Variants in CADM2 observed in about 807,000 individuals in gnomAD.
CADM2 encodes cell adhesion molecule 2.
A neutral mutation model predicts 49.8 loss-of-function variants in CADM2; 12 were observed. The observed-to-expected ratio is 0.24, with a 90% CI of 0.15 to 0.39. The LOEUF is 0.39. Among genes scored for constraint, CADM2 ranks in the 10% least tolerant of loss-of-function variants. The probability of loss-of-function intolerance (pLI) is 1.00; values close to 1 mark genes in which losing one functional copy is unlikely to be tolerated. For synonymous variants in CADM2, 214 were observed against 175.4 expected (o/e 1.22, Z -1.74); for missense variants, 378 against 492.3 (o/e 0.77, Z 2.20).
At chr3:85,389,652 A>AT (rs1333408880) in intron 1 of CADM2, among the ~76,000 whole-genome samples, 1 of 152,038 alleles carries the variant, frequency 6.6e-6, no homozygotes, top group East Asian at 1.9e-4. Flanking sequence ...TACTAGAGAC[A>AT]TTTCCTATAT....
At chr3:85,067,562 A>G (rs1177532011) in intron 1 of CADM2, among the ~76,000 whole-genome samples, 2 of 152,130 alleles carry the variant, frequency 1.3e-5, no homozygotes, top group Non-Finnish European at 1.5e-5. Context: ...ACAGTAGGAC[A>G]CTTTATTTTA....
At chr3:85,154,928 T>C (rs2040055341) in intron 1 of CADM2, among the ~76,000 whole-genome samples, 1 of 150,322 alleles carries the variant, frequency 6.7e-6, no homozygotes, top group Non-Finnish European at 1.5e-5. Context: ...CTAAAAGAGC[T>C]CCTGAAGGAA....
intron 1 of CADM2, among the ~76,000 whole-genome samples, chr3:85,274,471 A>T (rs531255280): frequency 2.6e-5 from 4 of 151,494 alleles, no homozygotes; most frequent in African/African-American, 9.6e-5. Flanking sequence ...ATCACAGACC[A>T]TTCATTCATT....
intron 1 of CADM2, among the ~76,000 whole-genome samples, chr3:85,586,709 A>G (rs1421840425): frequency 1.3e-5 from 2 of 152,110 alleles, no homozygotes; most frequent in African/African-American, 4.8e-5. Context: ...TTTAATGAAA[A>G]CAGCTATATG....
intron 1 of CADM2, among the ~76,000 whole-genome samples, chr3:85,451,718 C>A (rs1314993403): frequency 6.6e-6 from 1 of 152,088 alleles, no homozygotes; most frequent in Non-Finnish European, 1.5e-5. Context: ...GTGCATAAGG[C>A]AGATGCCTTT....
chr3:85,446,635 T>G (rs2037467646), intron 1 of CADM2, among the ~76,000 whole-genome samples: 1 of 149,844 alleles, frequency 6.7e-6, no homozygotes, highest in Non-Finnish European at 1.5e-5. Flanking sequence ...GGAGTTTCAT[T>G]CTTGTTGCCC....
At chr3:85,247,195 A>G (rs1317197252) in intron 1 of CADM2, among the ~76,000 whole-genome samples, 1 of 152,092 alleles carries the variant, frequency 6.6e-6, no homozygotes, top group Non-Finnish European at 1.5e-5. Context: ...ATTAAACTGT[A>G]TTAAGTTCAC....
chr3:85,224,427 A>G (rs1014978815), intron 1 of CADM2, among the ~76,000 whole-genome samples: 3 of 151,912 alleles, frequency 2.0e-5, no homozygotes, highest in African/African-American at 7.2e-5. Context: ...CATATCCTTC[A>G]CCCATTTTTT....
At chr3:85,596,924 C>T (rs138598194) in intron 1 of CADM2, among the ~76,000 whole-genome samples, 2,032 of 152,122 alleles carry the variant, frequency 0.013, 114 homozygotes, top group South Asian at 0.1. Context: ...GCCATGTTGG[C>T]CAGGCTGGTC....
At chr3:85,278,228 A>G (rs1470735143) in intron 1 of CADM2, among the ~76,000 whole-genome samples, 1 of 151,364 alleles carries the variant, frequency 6.6e-6, no homozygotes, top group Non-Finnish European at 1.5e-5. Flanking sequence ...TGATCTTTAC[A>G]ACAGTTCCAC....
At chr3:85,187,796 G>A (rs146655850) in intron 1 of CADM2, among the ~76,000 whole-genome samples, 197 of 152,038 alleles carry the variant, frequency 1.3e-3, no homozygotes, top group African/African-American at 4.2e-3. Context: ...AGGGTATTTT[G>A]TATAAACATA....
chr3:85,133,265 G>C (rs973899904), intron 1 of CADM2, among the ~76,000 whole-genome samples: 3 of 152,250 alleles, frequency 2.0e-5, no homozygotes, highest in South Asian at 2.1e-4. Context: ...CCACTCGCTC[G>C]GGCAGCGTGC....
rs556964328 is a variant in CADM2 at position 85,981,920 on chromosome 3, A to G, written c.970+20273A>G. On this transcript the variant is annotated intron_variant, in intron 8 of 9. Transcript: ENST00000383699. ...CAGTAGTTCTGTTTTAATTTCTCTG[A>G]TAAATCCCTAGGCTTCTTTTCACAG... Among the ~76,000 whole-genome samples, 6 of 151,844 alleles carry G rather than the reference A, an allele frequency of 4.0e-5. No individual in the cohort carries two copies. The South Asian group carries it at 8.3e-4, about 21-fold the overall frequency.
At chr3:85,563,411 T>TCG (rs1553742867) in intron 1 of CADM2, among the ~76,000 whole-genome samples, 2 of 142,044 alleles carry the variant, frequency 1.4e-5, no homozygotes, top group Non-Finnish European at 3.1e-5. Context: ...TGTGTGTGTG[T>TCG]GGGGGGGTGG....
chr3:85,434,981 A>G lies in CADM2; in HGVS notation c.62-291541A>G, dbSNP rs1185738500. Among the ~76,000 whole-genome samples the G allele has an allele frequency of 2.0e-5, 3 of 152,064 alleles. No homozygotes were observed. In the East Asian group the frequency reaches 5.8e-4, roughly 29 times the overall value. On this transcript the variant is annotated intron_variant, in intron 1 of 9. Coordinates refer to ENST00000383699, the MANE Select transcript of CADM2 (RefSeq NM_001167675.2). ...TAACTAGTCAGTAATTTATATTTGA[A>G]AATCATTTACATGTCTTGATTTTAT...
chr3:85,710,106 G>T (rs2107734955), intron 1 of CADM2, among the ~76,000 whole-genome samples: 1 of 152,190 alleles, frequency 6.6e-6, no homozygotes, highest in East Asian at 1.9e-4. Context: ...ACATAATGCA[G>T]AACATTTCCT....
intron 6 of CADM2, among the ~76,000 whole-genome samples, chr3:85,928,862 A>G (rs980958484): frequency 5.3e-5 from 8 of 152,186 alleles, no homozygotes; most frequent in Admixed American, 4.6e-4. Flanking sequence ...ACAATCGAGT[A>G]AGTTAATATA....
intron 1 of CADM2, among the ~76,000 whole-genome samples, chr3:85,123,214 G>C (rs13101042): frequency 0.47 from 71,204 of 151,832 alleles, 18,711 homozygotes; most frequent in Non-Finnish European, 0.61. Flanking sequence ...GAGCCTGATT[G>C]CTTTGTCAAC....
intron 1 of CADM2, among the ~76,000 whole-genome samples, chr3:85,056,155 C>A (rs996256891): frequency 1.3e-5 from 2 of 152,044 alleles, no homozygotes; most frequent in Non-Finnish European, 2.9e-5. Flanking sequence ...CTAGCACTTT[C>A]TCTTCTTAGT....
Sources: gnomAD v4.1 joint callset for allele counts (sites outside exome capture counted in the v4.1 genomes callset) on GRCh38, gnomAD v4.1.1 for gene constraint, MANE v1.5 for transcripts, NCBI Gene and HGNC (gene_info 2026-07-23, HGNC 2026-07-21) for gene names.